PPARGC1A: variants seen among roughly 807,000 people sequenced by gnomAD.
PPARGC1A encodes PPARG coactivator 1 alpha, also known as peroxisome proliferator-activated receptor gamma coactivator 1-alpha.
PPARGC1A carries 25 observed loss-of-function variants against 88.7 expected under a neutral mutation model. That is an observed-to-expected ratio of 0.28 (90% CI 0.21 to 0.39). The LOEUF (loss-of-function observed/expected upper bound fraction) is 0.39. Ranked by LOEUF, PPARGC1A falls within the 10% of genes least tolerant of loss-of-function variation. PPARGC1A has a pLI of 1.00. For synonymous variants in PPARGC1A, 363 were observed against 355.6 expected (o/e 1.02, Z -0.24); for missense variants, 880 against 968.7 (o/e 0.91, Z 1.22).
chr4:24,005,863 G>T, the PPARGC1A span, among the ~76,000 whole-genome samples: 1 of 152,082 alleles, frequency 6.6e-6, no homozygotes, highest in Non-Finnish European at 1.5e-5. Flanking sequence ...ATTATACAGG[G>T]TCGGGGGCTC....
chr4:24,002,373 G>T, the PPARGC1A span, among the ~76,000 whole-genome samples: 1 of 152,092 alleles, frequency 6.6e-6, no homozygotes, highest in Middle Eastern at 3.4e-3. Context: ...AGATCTGCCC[G>T]CCTTGGCCTC....
chr4:23,801,875 G>A lies in PPARGC1A; in HGVS notation c.2148C>T (p.Ser716=). The A allele has an allele frequency of 6.2e-7, 1 of 1,613,886 alleles. No individual in the cohort carries two copies. Among genetic ancestry groups the A allele is most frequent in the Non-Finnish European group, 8.5e-7 (1 of 1,179,896 alleles). The change falls in exon 12 of 13, where the codon AGC becomes AGT. Residue 716 remains serine (S), a synonymous_variant. Transcript: ENST00000264867. ...CTVNLRDDGD[S]YGFITYRYTC... ...TATAACGGTAGGTAATGAAACCATA[G>A]CTGTCTCTGCAACGGACAAAGAAAA...
chr4:23,825,431 T>C (rs545258390), intron 5 of PPARGC1A, among the ~76,000 whole-genome samples: 37 of 152,250 alleles, frequency 2.4e-4, no homozygotes, highest in African/African-American at 7.5e-4. Context: ...ATTTATGTAA[T>C]GAAAATCATA....
the PPARGC1A span, among the ~76,000 whole-genome samples, chr4:23,968,320 G>C: frequency 1.3e-5 from 2 of 152,302 alleles, no homozygotes; most frequent in African/African-American, 4.8e-5. Context: ...TTGCAGTCTT[G>C]TCACTATCAT....
At chr4:24,442,120 T>C in the PPARGC1A span, among the ~76,000 whole-genome samples, 1 of 152,126 alleles carries the variant, frequency 6.6e-6, no homozygotes, top group Non-Finnish European at 1.5e-5. Context: ...TTAACTGAAA[T>C]AGACTTTAGA....
At chr4:24,101,882 A>C in the PPARGC1A span, among the ~76,000 whole-genome samples, 1 of 152,236 alleles carries the variant, frequency 6.6e-6, no homozygotes, top group African/African-American at 2.4e-5. Context: ...AACGATTGAG[A>C]GATGAGAAAA....
intron 1 of PPARGC1A, among the ~76,000 whole-genome samples, chr4:23,886,006 C>T (rs1456234227): frequency 6.6e-6 from 1 of 152,078 alleles, no homozygotes; most frequent in Non-Finnish European, 1.5e-5. Flanking sequence ...AGGTGGTCTC[C>T]TAAACTTGAA....
chr4:24,235,249 C>T, the PPARGC1A span, among the ~76,000 whole-genome samples: 2 of 152,248 alleles, frequency 1.3e-5, no homozygotes, highest in East Asian at 1.9e-4. Context: ...CAGTAAAAAA[C>T]GTGGTGAGCA....
At chr4:23,957,612 GC>G in the PPARGC1A span, among the ~76,000 whole-genome samples, 17 of 152,144 alleles carry the variant, frequency 1.1e-4, no homozygotes, top group African/African-American at 4.1e-4. Flanking sequence ...CCTACAGCAT[GC>G]CAGGCACCAT....
chr4:24,208,488 C>A, the PPARGC1A span, among the ~76,000 whole-genome samples: 1 of 151,844 alleles, frequency 6.6e-6, no homozygotes, highest in Non-Finnish European at 1.5e-5. Context: ...TAAAACAGAC[C>A]AAAACAGACA....
At chr4:24,111,637 A>G in the PPARGC1A span, among the ~76,000 whole-genome samples, 1 of 152,248 alleles carries the variant, frequency 6.6e-6, no homozygotes, top group South Asian at 2.1e-4. Flanking sequence ...ACTACTATTT[A>G]ACAGCAGTAG....
the PPARGC1A span, among the ~76,000 whole-genome samples, chr4:24,086,695 G>A: frequency 6.6e-6 from 1 of 152,098 alleles, no homozygotes; most frequent in Non-Finnish European, 1.5e-5. Flanking sequence ...CTTTGCACAT[G>A]GGGGGTATTC....
the PPARGC1A span, among the ~76,000 whole-genome samples, chr4:24,265,006 T>C: frequency 1.0e-3 from 152 of 152,312 alleles, no homozygotes; most frequent in African/African-American, 3.6e-3. Flanking sequence ...CCAAGAACTG[T>C]CAACAATGTA....
chr4:24,430,287 C>G, the PPARGC1A span, among the ~76,000 whole-genome samples: 1 of 135,358 alleles, frequency 7.4e-6, no homozygotes, highest in African/African-American at 2.8e-5. Context: ...GAGATTGAGT[C>G]CCACTCTGTC....
At chr4:23,796,760 A>G (rs1717689242) in intron 12 of PPARGC1A, among the ~76,000 whole-genome samples, 1 of 152,168 alleles carries the variant, frequency 6.6e-6, no homozygotes, top group Admixed American at 6.6e-5. Context: ...GGGGGCTTGG[A>G]AATATAATAA....
the PPARGC1A span, among the ~76,000 whole-genome samples, chr4:24,424,012 T>G: frequency 2.0e-5 from 3 of 152,212 alleles, no homozygotes; most frequent in Non-Finnish European, 4.4e-5. Flanking sequence ...TATTTAAAAC[T>G]AACTGGTACA....
the PPARGC1A span, among the ~76,000 whole-genome samples, chr4:23,961,458 C>T: frequency 3.3e-4 from 50 of 152,046 alleles, no homozygotes; most frequent in Admixed American, 9.2e-4. Flanking sequence ...GACTAGACAT[C>T]GCCCCTGCTT....
chr4:24,205,742 C>T, the PPARGC1A span, among the ~76,000 whole-genome samples: 2 of 152,084 alleles, frequency 1.3e-5, no homozygotes, highest in Admixed American at 6.6e-5. Context: ...CCAAACACAA[C>T]ACCCATATAC....
At chr4:24,401,655 C>T in the PPARGC1A span, among the ~76,000 whole-genome samples, 56 of 152,196 alleles carry the variant, frequency 3.7e-4, no homozygotes, top group Admixed American at 2.4e-3. Context: ...ATATCCCATC[C>T]TATTGGGGAA....
Sources: gnomAD v4.1 joint callset for allele counts (sites outside exome capture counted in the v4.1 genomes callset) on GRCh38, gnomAD v4.1.1 for gene constraint, MANE v1.5 for transcripts, NCBI Gene and HGNC (gene_info 2026-07-23, HGNC 2026-07-21) for gene names.